Variants in FSTL5 observed in about 807,000 individuals in gnomAD.
The protein encoded by FSTL5 is follistatin like 5.
In FSTL5, 62 loss-of-function variants were observed where a neutral mutation model predicts 89.1. The observed-to-expected ratio is 0.70, with a 90% confidence interval of 0.57 to 0.86. The LOEUF (loss-of-function observed/expected upper bound fraction) is 0.86, where lower values mean the gene tolerates loss of function less well. Ranked by LOEUF, FSTL5 falls within the 40% of genes least tolerant of loss-of-function variation. The pLI, the probability that FSTL5 is intolerant of heterozygous loss-of-function variation, is 0.00. For missense variants in FSTL5, 1,057 were observed against 1,001.6 expected (o/e 1.06, Z -0.75); for synonymous variants, 383 against 346.2 (o/e 1.11, Z -1.18).
rs560109515 is a variant in FSTL5 at position 161,457,273 on chromosome 4, C to A, written c.1716+1939G>T. The stretch of plus-strand genomic sequence containing the variant: ...ATGTAAATAAATCTTCTTGTGTATA[C>A]CTTTTTAAAGGATACTTCTCAATTC... On this transcript the variant is annotated intron_variant, in intron 14 of 15. Transcript: ENST00000306100. Among the ~76,000 whole-genome samples the A allele has an allele frequency of 6.4e-4, 97 of 152,260 alleles. 3 individuals carry two copies. In the South Asian group the frequency reaches 0.02, roughly 31 times the overall value.
chr4:161,934,346 A>G (rs1486755167), intron 3 of FSTL5, among the ~76,000 whole-genome samples: 3 of 152,126 alleles, frequency 2.0e-5, no homozygotes, highest in Non-Finnish European at 4.4e-5. Flanking sequence ...ACATCGCTGT[A>G]TATAAAATCA....
chr4:162,071,628 C>A (rs1169773740), intron 2 of FSTL5, among the ~76,000 whole-genome samples: 4 of 151,690 alleles, frequency 2.6e-5, no homozygotes. Context: ...CTTAACTGTA[C>A]TATAGACCAT....
chr4:161,840,892 A>C (rs1731188726), intron 4 of FSTL5, among the ~76,000 whole-genome samples: 1 of 152,136 alleles, frequency 6.6e-6, no homozygotes, highest in African/African-American at 2.4e-5. Flanking sequence ...TCAAAGGAGG[A>C]GGGAGAGTGA....
At chr4:161,901,369 G>C (rs923083497) in intron 4 of FSTL5, among the ~76,000 whole-genome samples, 2 of 152,140 alleles carry the variant, frequency 1.3e-5, no homozygotes, top group Non-Finnish European at 2.9e-5. Context: ...GAGTGAGGTT[G>C]TTTTAGTACT....
chr4:161,561,717 G>T (rs1185423161), intron 8 of FSTL5, among the ~76,000 whole-genome samples: 1 of 151,942 alleles, frequency 6.6e-6, no homozygotes, highest in Non-Finnish European at 1.5e-5. Context: ...AATAATAGTA[G>T]CTTGTAAATG....
At chr4:161,437,503 C>G (rs567315556) in intron 15 of FSTL5, among the ~76,000 whole-genome samples, 2 of 138,124 alleles carry the variant, frequency 1.4e-5, no homozygotes, top group African/African-American at 5.4e-5. Flanking sequence ...GGAGGCGGAG[C>G]TTGCAGTGAG....
intron 6 of FSTL5, among the ~76,000 whole-genome samples, chr4:161,719,367 AT>A (rs1202073931): frequency 6.6e-6 from 1 of 152,264 alleles, no homozygotes; most frequent in African/African-American, 2.4e-5. Flanking sequence ...TTTTAATGGC[AT>A]TTTTTGACAT....
rs555287800 is a variant in FSTL5, at chr4:161,942,713, A to G, written c.161-22061T>C. 5.9e-5 allele frequency among the ~76,000 whole-genome samples: 9 copies of G among 152,282 alleles called. No homozygotes were observed. The South Asian group carries it at 1.9e-3, about 32-fold the overall frequency. On this transcript the variant is annotated intron_variant, in intron 3 of 15. Transcript: ENST00000306100. Reference sequence around the variant, plus strand: ...AAAACCCTGCAGACCAATATTCTTTATGAATATAGATGCAAAATCTTAATC... The same window carrying G: ...AAAACCCTGCAGACCAATATTCTTTGTGAATATAGATGCAAAATCTTAATC...
chr4:161,391,175 T>G (rs768255951), intron 15 of FSTL5, among the ~76,000 whole-genome samples: 2 of 152,162 alleles, frequency 1.3e-5, no homozygotes, highest in Non-Finnish European at 2.9e-5. Context: ...TAAAGTCATA[T>G]TCTTTGAAAA....
chr4:161,934,999 T>C (rs1734392189), intron 3 of FSTL5, among the ~76,000 whole-genome samples: 1 of 152,174 alleles, frequency 6.6e-6, no homozygotes, highest in South Asian at 2.1e-4. Context: ...GGTTCAATTA[T>C]GGTGCATACT....
At chr4:161,689,614 A>T (rs1579023216) in intron 6 of FSTL5, among the ~76,000 whole-genome samples, 1 of 152,244 alleles carries the variant, frequency 6.6e-6, no homozygotes, top group South Asian at 2.1e-4. Context: ...GTTTTATTTT[A>T]CAGCACTATT....
Position 161,620,790 on chromosome 4 carries a change from A to G in FSTL5, c.895-33215T>C, listed in dbSNP as rs191685891. ...CAAAATGGTAAATATGTAGGTAAATATAAATGATCAATATTAAAATGATGA... is the reference window on the plus strand; with the variant it reads ...CAAAATGGTAAATATGTAGGTAAATGTAAATGATCAATATTAAAATGATGA... On this transcript the variant is annotated intron_variant, in intron 7 of 15. Transcript: ENST00000306100. Among the ~76,000 whole-genome samples the G allele has an allele frequency of 1.9e-3, 295 of 152,366 alleles. 1 individual carries two copies. Among genetic ancestry groups the G allele is most frequent in the Non-Finnish European group, 3.6e-3 (242 of 68,034 alleles).
chr4:161,597,372 C>A (rs1354067430), intron 7 of FSTL5, among the ~76,000 whole-genome samples: 1 of 150,338 alleles, frequency 6.7e-6, no homozygotes, highest in Non-Finnish European at 1.5e-5. Flanking sequence ...AGCAAACTAT[C>A]CCAAGGACAA....
chr4:161,729,216 A>G (rs943273523), intron 6 of FSTL5, among the ~76,000 whole-genome samples: 21 of 152,190 alleles, frequency 1.4e-4, no homozygotes, highest in African/African-American at 5.1e-4. Context: ...GAGTGTGGCC[A>G]GAATAACAAA....
At chr4:161,985,004 T>C (rs1326791079) in intron 3 of FSTL5, among the ~76,000 whole-genome samples, 3 of 151,814 alleles carry the variant, frequency 2.0e-5, no homozygotes, top group Non-Finnish European at 4.4e-5. Flanking sequence ...TTGCCCAGGC[T>C]GGAGTGCAGT....
chr4:161,440,718 C>T (rs1215165930), intron 15 of FSTL5, among the ~76,000 whole-genome samples: 1 of 152,102 alleles, frequency 6.6e-6, no homozygotes, highest in Non-Finnish European at 1.5e-5. Flanking sequence ...GTTTTTACTA[C>T]ATTTTCCTTT....
intron 4 of FSTL5, among the ~76,000 whole-genome samples, chr4:161,798,951 TAAG>T (rs1729716640): frequency 6.6e-6 from 1 of 151,706 alleles, no homozygotes; most frequent in Non-Finnish European, 1.5e-5. Context: ...TATGAGGCGC[TAAG>T]AAGTCGTTAC....
intron 3 of FSTL5, among the ~76,000 whole-genome samples, chr4:161,968,726 A>T (rs1161235095): frequency 2.0e-5 from 3 of 152,058 alleles, no homozygotes; most frequent in Admixed American, 2.0e-4. Context: ...GTGACAAGTA[A>T]CACCACATAT....
chr4:161,739,223 T>C (rs1739919252), intron 6 of FSTL5, among the ~76,000 whole-genome samples: 2 of 152,186 alleles, frequency 1.3e-5, no homozygotes, highest in South Asian at 4.1e-4. Context: ...AAATTCAATA[T>C]GAATGATTTC....
Sources: allele counts gnomAD v4.1 joint callset (sites outside exome capture counted in the v4.1 genomes callset), GRCh38; gene constraint gnomAD v4.1.1; transcripts MANE v1.5; gene names NCBI Gene and HGNC (gene_info 2026-07-23, HGNC 2026-07-21).